MED12L: variants seen among roughly 807,000 people sequenced by gnomAD.
MED12L encodes mediator of RNA polymerase II transcription subunit 12-like protein.
Under a neutral mutation model 281.3 loss-of-function variants are expected in MED12L, and 60 were observed. The observed-to-expected ratio is 0.21, with a 90% CI of 0.17 to 0.26. The LOEUF is 0.26. Among genes scored for constraint, MED12L ranks in the 10% least tolerant of loss-of-function variants. The pLI, the probability that MED12L is intolerant of heterozygous loss-of-function variation, is 1.00. For missense variants in MED12L, 2,146 were observed against 2,680.9 expected, an observed-to-expected ratio of 0.80 and a Z score of 4.41; for synonymous variants, 974 against 987.2, an observed-to-expected ratio of 0.99 and a Z score of 0.25.
chr3:151,188,297 T>G, intron 12 of MED12L, 57 bp from the exon 13 acceptor site: 1 of 1,365,674 alleles, frequency 7.3e-7, no homozygotes, highest in Non-Finnish European at 1.0e-6. Flanking sequence ...AACAAATTCA[T>G]GATCTGTTAT....
chr3:151,380,052 G>T, intron 31 of MED12L, 61 bp from the exon 32 acceptor site: 3 of 1,034,820 alleles, frequency 2.9e-6, no homozygotes, highest in Non-Finnish European at 4.3e-6. Flanking sequence ...AATGAATGTT[G>T]CCAGAGGAAG....
chr3:151,227,627 G>A (rs538945004), intron 16 of MED12L, among the ~76,000 whole-genome samples: 2 of 152,272 alleles, frequency 1.3e-5, no homozygotes, highest in South Asian at 4.2e-4. Flanking sequence ...GGTGAGGTGT[G>A]GCATAGGCAC....
At chr3:151,198,146 T>C in intron 16 of MED12L, 1 of 251,568 alleles carries the variant, frequency 4.0e-6, no homozygotes, top group East Asian at 7.5e-5. Context: ...GTCATGGACC[T>C]CTTTTGGATT....
At chr3:151,198,882 T>C in intron 16 of MED12L, 1 of 1,614,176 alleles carries the variant, frequency 6.2e-7, no homozygotes, top group South Asian at 1.1e-5. Flanking sequence ...AATTCCTTTT[T>C]AAACTCCATA....
In MED12L at chr3:151,186,537, A is replaced by ACTTT. The variant is rs567074477; in HGVS notation, c.1626+1078_1626+1079insTTCT. On this transcript the variant is annotated intron_variant, in intron 12 of 44. Transcript: ENST00000687756. Reference sequence around the variant, plus strand: ...TCTACTCCTTCAATACACAAAACACACTGTCACCTTGAGGCCTCTGCTCTT... The same window carrying ACTTT: ...TCTACTCCTTCAATACACAAAACACACTTTCTGTCACCTTGAGGCCTCTGCTCTT... Among the ~76,000 whole-genome samples, 333 of 151,866 alleles carry ACTTT rather than the reference A, an allele frequency of 2.2e-3. 7 individuals are homozygous for ACTTT. In the South Asian group the frequency reaches 0.057, roughly 26 times the overall value.
At chr3:151,165,554 A>G (rs1720607438) in intron 10 of MED12L, 35 bp downstream of exon 10, 1 of 1,536,978 alleles carries the variant, frequency 6.5e-7, no homozygotes. Flanking sequence ...GTGCTTTTGA[A>G]TGTTGGACTT....
intron 5 of MED12L, among the ~76,000 whole-genome samples, chr3:151,129,501 G>A (rs1024055332): frequency 2.0e-5 from 3 of 151,708 alleles, no homozygotes; most frequent in Admixed American, 1.3e-4. Flanking sequence ...CCCCCCATCA[G>A]CATTTTATTT....
intron 16 of MED12L, among the ~76,000 whole-genome samples, chr3:151,246,839 C>T (rs867777960): frequency 6.6e-6 from 1 of 152,034 alleles, no homozygotes; most frequent in Non-Finnish European, 1.5e-5. Flanking sequence ...AGGCAGCCTA[C>T]AAAATGGGAG....
intron 15 of MED12L, among the ~76,000 whole-genome samples, chr3:151,193,082 T>C (rs960915356): frequency 6.6e-6 from 1 of 151,790 alleles, no homozygotes; most frequent in Non-Finnish European, 1.5e-5. Flanking sequence ...TATATAACTT[T>C]AAAAAAAAAT....
chr3:151,432,865 T>C lies in MED12L; in HGVS notation c.*61T>C. On this transcript the variant is annotated 3_prime_UTR_variant, in exon 45 of 45. Transcript: ENST00000687756. Reference sequence around the variant, plus strand: ...GCACTGAAAAACAGAAAATCAAATTTAATGCATTAGTCATCTTAAAAATGT... The same window carrying C: ...GCACTGAAAAACAGAAAATCAAATTCAATGCATTAGTCATCTTAAAAATGT... 1 of 1,282,874 alleles carries C rather than the reference T, an allele frequency of 7.8e-7. No individual in the cohort carries two copies. Among genetic ancestry groups the C allele is most frequent in the South Asian group, 1.3e-5 (1 of 74,938 alleles). The allele number at this position is 1,282,874 out of a possible 1,614,324, so 79.5% of individuals were successfully genotyped here.
chr3:151,087,313 GA>G (rs1205407713), intron 2 of MED12L, among the ~76,000 whole-genome samples: 1 of 152,236 alleles, frequency 6.6e-6, no homozygotes, highest in African/African-American at 2.4e-5. Flanking sequence ...CTTCCCTGCC[GA>G]AACCTTGCTC....
chr3:151,115,865 C>G (rs1712689945), intron 2 of MED12L, among the ~76,000 whole-genome samples: 1 of 151,406 alleles, frequency 6.6e-6, no homozygotes, highest in Non-Finnish European at 1.5e-5. Flanking sequence ...TGAGATCAGC[C>G]TGGCCAAAAT....
At chr3:151,319,452 T>G (rs972158718) in intron 16 of MED12L, among the ~76,000 whole-genome samples, 5 of 105,906 alleles carry the variant, frequency 4.7e-5, no homozygotes, top group Admixed American at 3.1e-4. Context: ...AACATCCAGG[T>G]GTGTGTGTGT....
intron 2 of MED12L, 89 bp from the exon 3 acceptor site, chr3:151,116,249 C>T: frequency 2.4e-6 from 2 of 848,144 alleles, no homozygotes; most frequent in Non-Finnish European, 3.7e-6. Flanking sequence ...CAGAGTATAA[C>T]AAATTTAGCC....
In MED12L at chr3:151,190,372, A is replaced by G. The variant is rs1050076967; in HGVS notation, c.1754-345A>G. On this transcript the variant is annotated intron_variant, in intron 13 of 44. Transcript: ENST00000687756. ...TTTTTGGTAGAGACGGGGTTTCACC[A>G]TATTGGCCAGGCTGGTCTCGAACTC... Among the ~76,000 whole-genome samples the G allele has an allele frequency of 2.0e-5, 3 of 152,172 alleles. No homozygotes were observed. The East Asian group carries it at 5.8e-4, about 29-fold the overall frequency.
chr3:151,247,962 C>CTTTTTTTTTTTTTTT (rs61102632), intron 16 of MED12L, among the ~76,000 whole-genome samples: 24 of 75,896 alleles, frequency 3.2e-4, no homozygotes, highest in African/African-American at 4.8e-4. Flanking sequence ...TCTTCTTCTT[C>CTTTTTTTTTTTTTTT]TTTTTTTTTT....
At chr3:151,255,649 C>T (rs1737681139) in intron 16 of MED12L, among the ~76,000 whole-genome samples, 1 of 152,118 alleles carries the variant, frequency 6.6e-6, no homozygotes, top group South Asian at 2.1e-4. Flanking sequence ...GAGATGAAAC[C>T]TTTGGCCATC....
intron 16 of MED12L, among the ~76,000 whole-genome samples, chr3:151,284,210 C>T (rs1743168523): frequency 6.6e-6 from 1 of 152,046 alleles, no homozygotes; most frequent in African/African-American, 2.4e-5. Context: ...GTGGTGTTGA[C>T]TTTTCAGGGA....
At chr3:151,398,949 A>G (rs1163384625) in intron 39 of MED12L, among the ~76,000 whole-genome samples, 2 of 152,226 alleles carry the variant, frequency 1.3e-5, no homozygotes, top group Non-Finnish European at 2.9e-5. Context: ...GTCTTTTTCA[A>G]AATCCCTTAC....
Sources: gnomAD v4.1 joint callset for allele counts (sites outside exome capture counted in the v4.1 genomes callset) on GRCh38, gnomAD v4.1.1 for gene constraint, MANE v1.5 for transcripts, NCBI Gene and HGNC (gene_info 2026-07-23, HGNC 2026-07-21) for gene names.